Variants in ACYP2 observed in about 807,000 individuals in gnomAD.
ACYP2 encodes the protein acylphosphatase-2.
A neutral mutation model predicts 11.2 loss-of-function variants in ACYP2; 12 were observed. That is an observed-to-expected ratio of 1.08 (90% CI 0.69 to 1.74). The LOEUF (loss-of-function observed/expected upper bound fraction) is 1.74. Ranked by LOEUF, ACYP2 falls within the 40% of genes most tolerant of loss-of-function variation. The pLI is 0.00. For synonymous variants in ACYP2, 43 were observed against 32.2 expected (o/e 1.33, Z -1.13); for missense variants, 134 against 101.9 (o/e 1.31, Z -1.35).
intron 6 of ACYP2, among the ~76,000 whole-genome samples, chr2:54,283,130 C>T (rs756606120): frequency 9.2e-5 from 14 of 152,000 alleles, no homozygotes; most frequent in African/African-American, 1.5e-4. Context: ...TCCTAATGCA[C>T]GAATGATTGA....
At chr2:54,232,243 C>T (rs552994852) in intron 6 of ACYP2, among the ~76,000 whole-genome samples, 12 of 152,260 alleles carry the variant, frequency 7.9e-5, no homozygotes, top group African/African-American at 1.4e-4. Flanking sequence ...GAAATGGCTG[C>T]AGCAGTTCCT....
chr2:54,002,485 A>G (rs1438416829), intron 2 of ACYP2, among the ~76,000 whole-genome samples: 8 of 151,382 alleles, frequency 5.3e-5, no homozygotes, highest in African/African-American at 1.9e-4. Flanking sequence ...AGCTGGGATT[A>G]TAAGTGCACA....
At chr2:54,056,791 A>G (rs961988854) in intron 3 of ACYP2, among the ~76,000 whole-genome samples, 1 of 152,160 alleles carries the variant, frequency 6.6e-6, no homozygotes, top group Admixed American at 6.5e-5. Context: ...GCTTTCTACT[A>G]TATTACCTGT....
chr2:54,293,097 T>C (rs1419887258), intron 6 of ACYP2, among the ~76,000 whole-genome samples: 1 of 152,216 alleles, frequency 6.6e-6, no homozygotes, highest in Non-Finnish European at 1.5e-5. Flanking sequence ...ACCGCAACTC[T>C]GTGAGGGAGG....
intron 2 of ACYP2, among the ~76,000 whole-genome samples, chr2:54,045,584 A>T (rs1174725485): frequency 2.0e-5 from 3 of 152,068 alleles, no homozygotes; most frequent in Non-Finnish European, 2.9e-5. Context: ...TGGGAGGCCG[A>T]GGCGGGCAGA....
At chr2:54,020,770 T>C (rs1485115335) in intron 2 of ACYP2, among the ~76,000 whole-genome samples, 1 of 152,234 alleles carries the variant, frequency 6.6e-6, no homozygotes, top group African/African-American at 2.4e-5. Context: ...GGAGCTCTTA[T>C]TTTGTTTCTT....
intron 6 of ACYP2, among the ~76,000 whole-genome samples, chr2:54,205,054 T>G (rs1685015198): frequency 3.4e-5 from 5 of 146,336 alleles, no homozygotes. Context: ...TTTTTATTGT[T>G]TCTTCCATTA....
At chr2:54,034,442 C>G (rs1057216077) in intron 2 of ACYP2, among the ~76,000 whole-genome samples, 1 of 152,138 alleles carries the variant, frequency 6.6e-6, no homozygotes, top group African/African-American at 2.4e-5. Flanking sequence ...GAATACTTAC[C>G]ATTGTGTTAC....
chr2:54,178,634 T>G (rs1013366370), intron 6 of ACYP2, among the ~76,000 whole-genome samples: 1 of 152,214 alleles, frequency 6.6e-6, no homozygotes, highest in African/African-American at 2.4e-5. Context: ...TATTGGATAA[T>G]AGGCTTGGTG....
intron 4 of ACYP2, among the ~76,000 whole-genome samples, chr2:54,086,864 T>A (rs10205315): frequency 0.2 from 30,064 of 152,138 alleles, 3,975 homozygotes; most frequent in African/African-American, 0.38. Context: ...CAAAGCACAT[T>A]TGTAAATTAT....
At chr2:54,124,783 C>T (rs575035047) in intron 4 of ACYP2, among the ~76,000 whole-genome samples, 260 of 152,326 alleles carry the variant, frequency 1.7e-3, no homozygotes, top group Non-Finnish European at 2.9e-3. Context: ...TCACTGCAAT[C>T]TCGACCTCAC....
intron 6 of ACYP2, among the ~76,000 whole-genome samples, chr2:54,231,871 G>A (rs773735144): frequency 2.0e-5 from 3 of 152,082 alleles, no homozygotes; most frequent in Non-Finnish European, 4.4e-5. Context: ...GGAGCATATC[G>A]GGCGCTGTAC....
At chr2:54,288,961 C>G (rs1277169900) in intron 6 of ACYP2, among the ~76,000 whole-genome samples, 2 of 151,976 alleles carry the variant, frequency 1.3e-5, no homozygotes, top group African/African-American at 2.4e-5. Context: ...TCTGCGACCC[C>G]AAGCTTTTAA....
chr2:54,038,424 A>G (rs999252274), intron 2 of ACYP2, among the ~76,000 whole-genome samples: 2 of 151,990 alleles, frequency 1.3e-5, no homozygotes, highest in African/African-American at 4.8e-5. Context: ...AAATATATAT[A>G]TGTATGTATT....
chr2:54,202,164 C>T (rs920242565), intron 6 of ACYP2, among the ~76,000 whole-genome samples: 5 of 152,134 alleles, frequency 3.3e-5, no homozygotes, highest in East Asian at 3.9e-4. Context: ...TGGTGCAGAT[C>T]GTGCAGTGGC....
intron 6 of ACYP2, among the ~76,000 whole-genome samples, chr2:54,166,661 T>G (rs999280258): frequency 6.6e-6 from 1 of 152,236 alleles, no homozygotes; most frequent in African/African-American, 2.4e-5. Flanking sequence ...CCCAGTCAAG[T>G]GCTTGAGTTC....
intron 3 of ACYP2, chr2:54,051,179 C>T: frequency 1.4e-6 from 1 of 718,346 alleles, no homozygotes; most frequent in Non-Finnish European, 2.5e-6. Context: ...CATTGGGCGA[C>T]TCTGCCTCAC....
At chr2:54,259,938 C>G (rs1285240337) in intron 6 of ACYP2, among the ~76,000 whole-genome samples, 17 of 152,198 alleles carry the variant, frequency 1.1e-4, no homozygotes, top group Admixed American at 1.0e-3. Flanking sequence ...GATCAAAGAA[C>G]GTGTTTTTAA....
rs796278746 is a variant in ACYP2, at chr2:54,075,256, T to A, written c.277+17896T>A. 3.9e-5 allele frequency among the ~76,000 whole-genome samples: 6 copies of A among 152,308 alleles called. 1 individual carries two copies. Among genetic ancestry groups the A allele is most frequent in the African/African-American group, 1.4e-4 (6 of 41,558 alleles). On this transcript the variant is annotated intron_variant, in intron 4 of 6. Transcript: ENST00000607452. ...GCTCATGACTGAAATCCCAGCAGTT[T>A]GTAAGGCCTAGGAGGGTAAATCGCT...
Sources: gnomAD v4.1 joint callset for allele counts (sites outside exome capture counted in the v4.1 genomes callset) on GRCh38, gnomAD v4.1.1 for gene constraint, MANE v1.5 for transcripts, NCBI Gene and HGNC (gene_info 2026-07-23, HGNC 2026-07-21) for gene names.